FUT8: variants seen among roughly 807,000 people sequenced by gnomAD.
FUT8 encodes alpha-(1,6)-fucosyltransferase.
A neutral mutation model predicts 71.3 loss-of-function variants in FUT8; 29 were observed. The observed-to-expected ratio is 0.41, with a 90% CI of 0.30 to 0.55. The LOEUF (loss-of-function observed/expected upper bound fraction) is 0.55, where lower values mean the gene tolerates loss of function less well. Ranked by LOEUF, FUT8 falls within the 20% of genes least tolerant of loss-of-function variation. FUT8 has a pLI of 0.34. For synonymous variants in FUT8, 254 were observed against 239.3 expected (o/e 1.06, Z -0.57); for missense variants, 544 against 702.1 (o/e 0.77, Z 2.55).
chr14:65,474,805 G>C (rs2066209983), intron 2 of FUT8, among the ~76,000 whole-genome samples: 1 of 152,124 alleles, frequency 6.6e-6, no homozygotes, highest in Admixed American at 6.5e-5. Context: ...TGTAAAAGTA[G>C]TGAAATTTCT....
chr14:65,524,786 G>A (rs1883332077), intron 2 of FUT8, among the ~76,000 whole-genome samples: 1 of 152,168 alleles, frequency 6.6e-6, no homozygotes, highest in African/African-American at 2.4e-5. Flanking sequence ...AGCATGCAGA[G>A]TTGTTGAATT....
chr14:65,553,230 G>A (rs1033843564), intron 2 of FUT8, among the ~76,000 whole-genome samples: 2 of 151,976 alleles, frequency 1.3e-5, no homozygotes, highest in Non-Finnish European at 2.9e-5. Flanking sequence ...TGTAGCTCTG[G>A]ATCTTTATAT....
intron 2 of FUT8, chr14:65,457,874 TG>T (rs2065914666): frequency 6.6e-6 from 1 of 152,242 alleles, no homozygotes; most frequent in Admixed American, 6.5e-5. Flanking sequence ...TTCACTTCCT[TG>T]TTTTTTTTCT....
intron 1 of FUT8, among the ~76,000 whole-genome samples, chr14:65,448,808 C>T (rs2065780255): frequency 6.6e-6 from 1 of 152,148 alleles, no homozygotes; most frequent in Non-Finnish European, 1.5e-5. Context: ...TTAATTCAGA[C>T]TAACTGAAAG....
chr14:65,400,283 C>T, the FUT8 span, among the ~76,000 whole-genome samples: 2 of 152,194 alleles, frequency 1.3e-5, no homozygotes, highest in Admixed American at 1.3e-4. Context: ...TTTACCCAAT[C>T]ATCAAGTTCT....
intron 2 of FUT8, among the ~76,000 whole-genome samples, chr14:65,556,623 T>C (rs1323727502): frequency 1.3e-5 from 2 of 152,188 alleles, no homozygotes; most frequent in African/African-American, 4.8e-5. Flanking sequence ...AACAAGTCAC[T>C]AGGTGCAGCC....
In FUT8 at chr14:65,557,337, T is replaced by C. The variant is rs113142048; in HGVS notation, c.-227-4000T>C. Among the ~76,000 whole-genome samples, 608 of 107,080 alleles carry C rather than the reference T, an allele frequency of 5.7e-3. 6 individuals are homozygous for C. The highest frequency in any genetic ancestry group is 0.024 in the Middle Eastern group (4 of 170). 70.2% of individuals were successfully genotyped at this position (107,080 alleles called of 152,430 possible). On this transcript the variant is annotated intron_variant, in intron 2 of 10. Transcript: ENST00000673929. The stretch of plus-strand genomic sequence containing the variant: ...GCCGAGATTTTGTCTCTCTCTCCCC[T>C]TTTTTTTTTTTTTGAGACAGAGCCT...
intron 3 of FUT8, 55 bp downstream of exon 3, chr14:65,561,821 G>A: frequency 7.1e-7 from 1 of 1,413,700 alleles, no homozygotes; most frequent in Non-Finnish European, 9.9e-7. Flanking sequence ...TTGTTTTTAG[G>A]TGTAGGGCTT....
At chr14:65,449,538 T>C (rs558293392) in intron 1 of FUT8, among the ~76,000 whole-genome samples, 45 of 152,326 alleles carry the variant, frequency 3.0e-4, no homozygotes, top group African/African-American at 9.6e-4. Context: ...CAATATACCA[T>C]TGTCAGTGTG....
chr14:65,482,137 T>A (rs2066340462), intron 2 of FUT8, among the ~76,000 whole-genome samples: 1 of 152,172 alleles, frequency 6.6e-6, no homozygotes. Context: ...CTATGATGCA[T>A]TTTGAGTTAA....
chr14:65,539,512 G>A (rs551736275), intron 2 of FUT8, among the ~76,000 whole-genome samples: 21 of 152,234 alleles, frequency 1.4e-4, no homozygotes, highest in Admixed American at 5.2e-4. Flanking sequence ...TTGAATCCTG[G>A]CTCTACTACT....
rs536951459 is a variant in FUT8 at position 65,467,020 on chromosome 14, G to A, written c.-228+11302G>A. Among the ~76,000 whole-genome samples the A allele has an allele frequency of 1.3e-5, 2 of 152,176 alleles. No individual in the cohort carries two copies. The highest frequency in any genetic ancestry group is 2.4e-5 in the African/African-American group (1 of 41,510). On this transcript the variant is annotated intron_variant, in intron 2 of 10. Coordinates refer to ENST00000673929, the MANE Select transcript of FUT8 (RefSeq NM_001371533.1). This position sits in a 1 kb window ranked among gnomAD's most constrained non-coding sequence, Gnocchi z 4.1. ...AGTTGTTATCTGTTAGATGAATTAA[G>A]GATCAGAAAAACAAAAGATTTAGTT...
Position 65,482,278 on chromosome 14 carries a change from C to T in FUT8, c.-228+26560C>T, listed in dbSNP as rs75667474. 5.8e-3 allele frequency among the ~76,000 whole-genome samples: 877 copies of T among 151,834 alleles called. 30 individuals are homozygous for T. The East Asian group carries it at 0.092, about 16-fold the overall frequency. ...TTGTCAAAAATCATTTGACTGTATA[C>T]GCGTGGGTTTATTTCTGACTCTTAT... is the stretch of plus-strand genomic sequence containing the variant. On this transcript the variant is annotated intron_variant, in intron 2 of 10. Coordinates refer to ENST00000673929, the MANE Select transcript of FUT8 (RefSeq NM_001371533.1).
At chr14:65,446,726 T>C (rs1343942084) in intron 1 of FUT8, among the ~76,000 whole-genome samples, 2 of 150,946 alleles carry the variant, frequency 1.3e-5, no homozygotes, top group Non-Finnish European at 2.9e-5. Flanking sequence ...TTGCAATTAA[T>C]ATGCTTAATG....
chr14:65,570,378 A>G (rs905986935), intron 3 of FUT8, among the ~76,000 whole-genome samples: 3 of 150,780 alleles, frequency 2.0e-5, no homozygotes, highest in African/African-American at 4.8e-5. Context: ...CAGCTCTCTA[A>G]TGCCTTTAAA....
intron 2 of FUT8, among the ~76,000 whole-genome samples, chr14:65,474,773 A>G (rs1594673581): frequency 6.6e-6 from 1 of 152,220 alleles, no homozygotes; most frequent in East Asian, 1.9e-4. Flanking sequence ...GAGAGAAGAA[A>G]ATACTACACA....
chr14:65,697,588 G>C (rs771243933), intron 7 of FUT8, among the ~76,000 whole-genome samples: 3 of 152,180 alleles, frequency 2.0e-5, no homozygotes, highest in Non-Finnish European at 2.9e-5. Flanking sequence ...TGGAACTGAA[G>C]AAAAGTACAA....
intron 2 of FUT8, among the ~76,000 whole-genome samples, chr14:65,541,357 G>A (rs1035474564): frequency 1.2e-4 from 18 of 152,234 alleles, no homozygotes; most frequent in Non-Finnish European, 2.1e-4. Flanking sequence ...GCAGGCTGGA[G>A]AACAGGAAAG....
intron 5 of FUT8, among the ~76,000 whole-genome samples, chr14:65,626,695 C>G (rs1889912131): frequency 6.6e-6 from 1 of 151,960 alleles, no homozygotes; most frequent in Non-Finnish European, 1.5e-5. Flanking sequence ...TATTGTTGTT[C>G]TTTTTTATTT....
Sources: gnomAD v4.1 joint callset for allele counts (sites outside exome capture counted in the v4.1 genomes callset) on GRCh38, gnomAD v4.1.1 for gene constraint, Gnocchi (gnomAD v3.1) non-coding constraint, MANE v1.5 for transcripts, NCBI Gene and HGNC (gene_info 2026-07-23, HGNC 2026-07-21) for gene names.